KYAT3: variants seen among roughly 807,000 people sequenced by gnomAD.
The protein encoded by KYAT3 is kynurenine aminotransferase 3.
Under a neutral mutation model 59.0 loss-of-function variants are expected in KYAT3, and 50 were observed. The ratio of observed to expected loss-of-function variants is 0.85; its 90% CI spans 0.68 to 1.07. The LOEUF is 1.07. Among genes scored for constraint, KYAT3 ranks in the 50% least tolerant of loss-of-function variants. The pLI is 0.00. For synonymous variants in KYAT3, 148 were observed against 177.0 expected (o/e 0.84, Z 1.30); for missense variants, 497 against 533.3 (o/e 0.93, Z 0.67).
At chr1:88,959,471 C>G (rs1264220244) in intron 8 of KYAT3, among the ~76,000 whole-genome samples, 4 of 149,290 alleles carry the variant, frequency 2.7e-5, no homozygotes, top group Non-Finnish European at 5.9e-5. Context: ...TACTTGGGAG[C>G]CTGAGGCAGG....
chr1:88,991,776 T>C (rs1243666361), intron 1 of KYAT3, among the ~76,000 whole-genome samples: 1 of 152,222 alleles, frequency 6.6e-6, no homozygotes, highest in African/African-American at 2.4e-5. Context: ...CGGTTTTGGC[T>C]CCCGAAGTCA....
chr1:88,980,844 A>G (rs1677046254), intron 2 of KYAT3: 1 of 152,228 alleles, frequency 6.6e-6, no homozygotes, highest in Non-Finnish European at 1.5e-5. Flanking sequence ...CAACTATGGA[A>G]GTGTAACAAC....
rs1216910893 is a variant in KYAT3 at position 88,964,872 on chromosome 1, G to C, written c.410C>G (p.Ser137Cys). The change falls in exon 5 of 14, where the codon TCT (serine) becomes TGT (cysteine). Residue 137 changes from serine to cysteine, a missense_variant. Physicochemically the swap from Ser to Cys is moderately radical, Grantham distance 112 (BLOSUM62 -1). Coordinates refer to ENST00000260508, the MANE Select transcript of KYAT3 (RefSeq NM_001008661.3). ...EILVTVGAYG[S>C]LFNTIQALID... ...TAATGCTTGAATGGTGTTAAAAAGA[G>C]ATCCATATGCTCCTACTGTCACAAG... 1 of 1,603,088 alleles carries C rather than the reference G, an allele frequency of 6.2e-7. No individual in the cohort carries two copies. Among genetic ancestry groups the C allele is most frequent in the Non-Finnish European group, 8.5e-7 (1 of 1,176,580 alleles).
chr1:88,988,428 T>G, intron 1 of KYAT3, 77 bp from the exon 2 acceptor site: 5 of 769,148 alleles, frequency 6.5e-6, no homozygotes, highest in Non-Finnish European at 8.7e-6. Flanking sequence ...TACAGCTAGC[T>G]GATGTATCAT....
chr1:88,935,559 G>A (rs1675003428), downstream of KYAT3, among the ~76,000 whole-genome samples: 1 of 152,182 alleles, frequency 6.6e-6, no homozygotes, highest in African/African-American at 2.4e-5. Flanking sequence ...CACCAGAGGT[G>A]AGGATGTCAA....
the KYAT3 span, among the ~76,000 whole-genome samples, chr1:88,922,427 C>T: frequency 0.036 from 5,431 of 152,256 alleles, 269 homozygotes; most frequent in African/African-American, 0.11. Flanking sequence ...CTGGTACCAG[C>T]TGGTGACCTG....
chr1:88,992,610 C>A lies in KYAT3; in HGVS notation c.-27G>T, dbSNP rs1204536995. 1.3e-5 allele frequency: 2 copies of A among 152,948 alleles called. No individual in the cohort carries two copies. The highest frequency in any genetic ancestry group is 4.8e-5 in the African/African-American group (2 of 41,480). The allele number at this position is 152,948 out of a possible 1,614,324, so 9.5% of individuals were successfully genotyped here. ...CTATCCGGTGCGGGAACCTCGCCTC[C>A]CTAGGCTCGAGTCCCGACTGGGCTT... On this transcript the variant is annotated 5_prime_UTR_variant, in exon 1 of 14. Transcript: ENST00000260508.
chr1:88,931,281 C>A (rs537902167), downstream of KYAT3, among the ~76,000 whole-genome samples: 1 of 152,142 alleles, frequency 6.6e-6, no homozygotes, highest in Non-Finnish European at 1.5e-5. Flanking sequence ...ATATTTCAAT[C>A]CCTCTATCTT....
Position 88,988,288 on chromosome 1 carries a change from A to C in KYAT3, c.63T>G (p.Ile21Met), listed in dbSNP as rs1329359608. 1 of 1,613,636 alleles carries C rather than the reference A, an allele frequency of 6.2e-7. No homozygotes were observed. Among genetic ancestry groups the C allele is most frequent in the Non-Finnish European group, 8.5e-7 (1 of 1,179,702 alleles). The change falls in exon 2 of 14, where the codon ATT becomes ATG. Residue 21 changes from isoleucine to methionine, a missense_variant. Physicochemically the swap from Ile to Met is conservative, Grantham distance 10 (BLOSUM62 1). Coordinates refer to ENST00000260508, the MANE Select transcript of KYAT3 (RefSeq NM_001008661.3). ...AGAATCCGAGGATTTTGGAAGAAGAAATTGTCTTCAGGAATTTTGCTCTAC... is the reference window on the plus strand; with the variant it reads ...AGAATCCGAGGATTTTGGAAGAAGACATTGTCTTCAGGAATTTTGCTCTAC... ...LSGRAKFLKT[I>M]SSSKILGFST...
chr1:88,991,169 T>TG (rs1677773692), intron 1 of KYAT3, among the ~76,000 whole-genome samples: 1 of 152,188 alleles, frequency 6.6e-6, no homozygotes, highest in African/African-American at 2.4e-5. Context: ...TTGGCAGATT[T>TG]GGGGGTGGCC....
intron 10 of KYAT3, 76 bp downstream of exon 10, chr1:88,952,987 A>G: frequency 2.2e-6 from 2 of 903,190 alleles, no homozygotes; most frequent in Non-Finnish European, 3.6e-6. Context: ...GAATTAAGTC[A>G]ATTCAAATAT....
the KYAT3 span, among the ~76,000 whole-genome samples, chr1:88,927,063 C>T: frequency 2.0e-5 from 3 of 152,210 alleles, no homozygotes; most frequent in Non-Finnish European, 4.4e-5. Flanking sequence ...CATCGGTAAG[C>T]GTAACTAATC....
chr1:88,974,044 T>C (rs1016718297), intron 2 of KYAT3, among the ~76,000 whole-genome samples: 1 of 151,966 alleles, frequency 6.6e-6, no homozygotes, highest in Non-Finnish European at 1.5e-5. Context: ...TTAGTAACAA[T>C]AATAATAACT....
the KYAT3 span, among the ~76,000 whole-genome samples, chr1:88,930,179 G>A: frequency 2.0e-5 from 3 of 152,204 alleles, no homozygotes; most frequent in Admixed American, 6.5e-5. Flanking sequence ...ACTGGTAGTG[G>A]CAGCAGTAAC....
At chr1:88,929,309 T>C in the KYAT3 span, among the ~76,000 whole-genome samples, 1 of 152,134 alleles carries the variant, frequency 6.6e-6, no homozygotes, top group Non-Finnish European at 1.5e-5. Flanking sequence ...AATGAGGCCG[T>C]TGTCCCTCTA....
At chr1:88,928,525 C>T in the KYAT3 span, among the ~76,000 whole-genome samples, 4 of 152,134 alleles carry the variant, frequency 2.6e-5, no homozygotes, top group African/African-American at 9.7e-5. Flanking sequence ...AAAAGATTGT[C>T]CAAGTAGAAG....
intron 2 of KYAT3, chr1:88,983,197 T>G (rs1677200943): frequency 6.2e-7 from 1 of 1,612,732 alleles, no homozygotes; most frequent in East Asian, 2.2e-5. Context: ...ACCCATCATC[T>G]CTTGGGGACA....
At chr1:88,964,775 G>T in intron 5 of KYAT3, 54 bp downstream of exon 5, 1 of 1,337,090 alleles carries the variant, frequency 7.5e-7, no homozygotes, top group Non-Finnish European at 1.0e-6. Context: ...ATTCAAAGGT[G>T]GGACAAATGA....
intron 5 of KYAT3, among the ~76,000 whole-genome samples, chr1:88,963,088 C>G (rs1235226350): frequency 6.6e-6 from 1 of 151,168 alleles, no homozygotes; most frequent in Non-Finnish European, 1.5e-5. Flanking sequence ...CTGAGAGAGG[C>G]TTATAATGAA....
Sources: gnomAD v4.1 joint callset for allele counts (sites outside exome capture counted in the v4.1 genomes callset) on GRCh38, gnomAD v4.1.1 for gene constraint, MANE v1.5 for transcripts, NCBI Gene and HGNC (gene_info 2026-07-23, HGNC 2026-07-21) for gene names.